The following AXDND1 variants were observed in gnomAD, a reference collection of about 807,000 sequenced individuals.
The protein encoded by AXDND1 is axonemal dynein light chain domain-containing protein 1.
In AXDND1, 110 loss-of-function variants were observed where a neutral mutation model predicts 137.5. The observed-to-expected ratio is 0.80, with a 90% confidence interval of 0.69 to 0.94. The LOEUF (loss-of-function observed/expected upper bound fraction) is 0.94, where lower values mean the gene tolerates loss of function less well. AXDND1 is among the 40% of genes least tolerant of loss of function. AXDND1 has a pLI of 0.00. For missense variants in AXDND1, 1,191 were observed against 1,169.8 expected (o/e 1.02, Z -0.26); for synonymous variants, 414 against 399.7 (o/e 1.04, Z -0.43).
rs527624789 is a variant in AXDND1, at chr1:179,435,558, G to T, written c.1563+3216G>T. Among the ~76,000 whole-genome samples the T allele has an allele frequency of 7.9e-5, 12 of 152,242 alleles. No homozygotes were observed. In the East Asian group the frequency reaches 2.3e-3, roughly 29 times the overall value. On this transcript the variant is annotated intron_variant, in intron 15 of 25. Coordinates refer to ENST00000367618, the MANE Select transcript of AXDND1 (RefSeq NM_144696.6). ...TAACACCACACATCTACAACCATCT[G>T]ATATTTGACCAACCTGACAAAAACA...
intron 12 of AXDND1, among the ~76,000 whole-genome samples, chr1:179,429,208 AC>A (rs1284261661): frequency 6.6e-6 from 1 of 152,106 alleles, no homozygotes; most frequent in African/African-American, 2.4e-5. Context: ...AATTTCCAAT[AC>A]AGTAAATATC....
chr1:179,545,629 T>C (rs1268014579), intron 25 of AXDND1: 1 of 152,178 alleles, frequency 6.6e-6, no homozygotes, highest in Non-Finnish European at 1.5e-5. Flanking sequence ...TCTAGAAAAT[T>C]TGGGGACTTT....
intron 12 of AXDND1, among the ~76,000 whole-genome samples, chr1:179,425,806 G>T (rs1274721821): frequency 5.3e-5 from 8 of 149,956 alleles, no homozygotes; most frequent in Non-Finnish European, 1.2e-4. Flanking sequence ...GTGTGTGTGT[G>T]TGTGTGTAAA....
chr1:179,399,415 A>G (rs1318459539), intron 11 of AXDND1, among the ~76,000 whole-genome samples: 1 of 152,240 alleles, frequency 6.6e-6, no homozygotes, highest in Admixed American at 6.5e-5. Flanking sequence ...CTCACCTTAT[A>G]CAAAAATCAA....
At chr1:179,550,773 A>G in intron 25 of AXDND1, 1 of 284,184 alleles carries the variant, frequency 3.5e-6, no homozygotes, top group South Asian at 4.1e-5. Flanking sequence ...GAGTGTGACA[A>G]GCCCAATGAT....
chr1:179,390,793 T>G (rs1650044628), intron 9 of AXDND1, among the ~76,000 whole-genome samples: 1 of 151,980 alleles, frequency 6.6e-6, no homozygotes, highest in Non-Finnish European at 1.5e-5. Flanking sequence ...TCTGCTTCTG[T>G]GCTTTTTATT....
intron 6 of AXDND1, 119 bp downstream of exon 6, chr1:179,379,601 C>G (rs1478266428): frequency 9.4e-6 from 12 of 1,277,586 alleles, no homozygotes; most frequent in Non-Finnish European, 1.2e-5. Flanking sequence ...CAAGACCAGC[C>G]TGGTCAACAT....
chr1:179,437,290 G>A (rs1321992557), intron 15 of AXDND1, among the ~76,000 whole-genome samples: 2 of 152,144 alleles, frequency 1.3e-5, no homozygotes, highest in Non-Finnish European at 2.9e-5. Flanking sequence ...AAGAGATAGC[G>A]AGAAAGGGGG....
chr1:179,503,730 G>A (rs1490135430), intron 20 of AXDND1, among the ~76,000 whole-genome samples: 3 of 151,830 alleles, frequency 2.0e-5, no homozygotes, highest in Non-Finnish European at 4.4e-5. Flanking sequence ...ACAGTCCCCG[G>A]AGTGTGTGAT....
rs1300542345 is a variant in AXDND1 at position 179,466,276 on chromosome 1, CTTCTTCTTCT to C, written c.1799-2164_1799-2155del. ...TCCTCTTTTCTTTTCTTTCTTTCTT[CTTCTTCTTCT>C]TTTTTTTTTTTTTTTTTGAGATGGG... On this transcript the variant is annotated intron_variant, in intron 16 of 25. Transcript: ENST00000367618. Among the ~76,000 whole-genome samples the C allele has an allele frequency of 6.7e-3, 809 of 121,384 alleles. 9 individuals are homozygous for C. Among genetic ancestry groups the C allele is most frequent in the African/African-American group, 0.024 (776 of 31,954 alleles). 79.6% of individuals were successfully genotyped at this position (121,384 alleles called of 152,430 possible).
intron 17 of AXDND1, among the ~76,000 whole-genome samples, chr1:179,477,752 T>A (rs1020917275): frequency 6.6e-6 from 1 of 151,946 alleles, no homozygotes; most frequent in Non-Finnish European, 1.5e-5. Context: ...TCCCCAGAAG[T>A]CTTAACTCAT....
At chr1:179,532,995 T>C (rs1461844065) in intron 23 of AXDND1, 1 of 152,094 alleles carries the variant, frequency 6.6e-6, no homozygotes, top group Non-Finnish European at 1.5e-5. Flanking sequence ...TATGATGGGA[T>C]GTGTGATTGA....
chr1:179,458,347 T>G (rs900247351), intron 16 of AXDND1, among the ~76,000 whole-genome samples: 1 of 152,132 alleles, frequency 6.6e-6, no homozygotes, highest in Non-Finnish European at 1.5e-5. Context: ...ACATATAATT[T>G]TAAGATTCTT....
intron 25 of AXDND1, 71 bp downstream of exon 25, chr1:179,535,033 A>G: frequency 2.5e-6 from 4 of 1,591,314 alleles, no homozygotes; most frequent in Non-Finnish European, 3.4e-6. Context: ...GGCCACAAAT[A>G]TTGTAGAAGA....
chr1:179,467,212 C>A lies in AXDND1; in HGVS notation c.1799-1231C>A, dbSNP rs547346851. On this transcript the variant is annotated intron_variant, in intron 16 of 25. Coordinates refer to ENST00000367618, the MANE Select transcript of AXDND1 (RefSeq NM_144696.6). ...AATCCTTCTCAGCAAGTGTCTGAGG[C>A]AACCCTGAACCATTGACTGGCACAA... Among the ~76,000 whole-genome samples the A allele has an allele frequency of 9.2e-5, 14 of 152,238 alleles. 2 individuals are homozygous for A. In the East Asian group the frequency reaches 2.5e-3, roughly 27 times the overall value.
At chr1:179,447,987 G>A (rs1199047909) in intron 16 of AXDND1, 4 of 1,415,462 alleles carry the variant, frequency 2.8e-6, no homozygotes, top group Non-Finnish European at 4.0e-6. Context: ...AACTCCCTGG[G>A]TTAGTGTAGG....
At chr1:179,541,980 AT>A (rs1672214161) in intron 25 of AXDND1, among the ~76,000 whole-genome samples, 1 of 152,170 alleles carries the variant, frequency 6.6e-6, no homozygotes, top group African/African-American at 2.4e-5. Flanking sequence ...ATATGACATC[AT>A]TTTTTAAAGG....
At chr1:179,394,401 CA>C (rs1225984509) in intron 10 of AXDND1, among the ~76,000 whole-genome samples, 11 of 151,956 alleles carry the variant, frequency 7.2e-5, no homozygotes, top group African/African-American at 9.7e-5. Flanking sequence ...CCAGCCTGGC[CA>C]ACATGGTGAA....
At chr1:179,381,596 G>A (rs924748333) in intron 6 of AXDND1, among the ~76,000 whole-genome samples, 1 of 151,566 alleles carries the variant, frequency 6.6e-6, no homozygotes, top group Non-Finnish European at 1.5e-5. Flanking sequence ...CACCCACCTC[G>A]GCCTCCCAAA....
Sources: gnomAD v4.1 joint callset for allele counts (sites outside exome capture counted in the v4.1 genomes callset) on GRCh38, gnomAD v4.1.1 for gene constraint, MANE v1.5 for transcripts, NCBI Gene and HGNC (gene_info 2026-07-23, HGNC 2026-07-21) for gene names.